The following CTDSPL variants were observed in gnomAD, a reference collection of about 807,000 sequenced individuals.
CTDSPL encodes CTD small phosphatase like.
In CTDSPL, 8 loss-of-function variants were observed where a neutral mutation model predicts 30.5. The observed-to-expected ratio is 0.26, with a 90% confidence interval of 0.15 to 0.47. CTDSPL has a LOEUF of 0.47. CTDSPL is among the 20% of genes least tolerant of loss of function. The probability of loss-of-function intolerance (pLI) is 0.99; values close to 1 mark genes in which losing one functional copy is unlikely to be tolerated. For synonymous variants in CTDSPL, 110 were observed against 137.9 expected (o/e 0.80, Z 1.42); for missense variants, 248 against 366.1 (o/e 0.68, Z 2.63).
chr3:37,941,192 GA>G lies in CTDSPL; in HGVS notation c.80-5864del, dbSNP rs918525308. Among the ~76,000 whole-genome samples, 43 of 150,160 alleles carry G rather than the reference GA, an allele frequency of 2.9e-4. 1 individual carries two copies. Among genetic ancestry groups the G allele is most frequent in the African/African-American group, 1.0e-3 (43 of 41,338 alleles). ...CACATGCTACCCTGTTCCTCCAGTG[GA>G]TACACAGGGACCATGCCCCACATCT... On this transcript the variant is annotated intron_variant, in intron 1 of 7. Coordinates refer to ENST00000273179, the MANE Select transcript of CTDSPL (RefSeq NM_001008392.2).
intron 6 of CTDSPL, 131 bp downstream of exon 6, chr3:37,971,630 A>G: frequency 2.6e-6 from 2 of 760,436 alleles, no homozygotes; most frequent in Non-Finnish European, 4.4e-6. Context: ...TTCCCACCCC[A>G]GATGGGATGG....
intron 1 of CTDSPL, among the ~76,000 whole-genome samples, chr3:37,907,603 G>A (rs559167756): frequency 1.3e-5 from 2 of 152,294 alleles, no homozygotes; most frequent in South Asian, 2.1e-4. Context: ...AATGCCCTGG[G>A]TGGGGGTGTA....
At position 37,914,460 on chromosome 3, in the gene CTDSPL, T is replaced by C. The variant is rs566537591; in HGVS notation, c.80-32597T>C. Among the ~76,000 whole-genome samples, 309 of 152,344 alleles carry C rather than the reference T, an allele frequency of 2.0e-3. 1 individual carries two copies. Among genetic ancestry groups the C allele is most frequent in the Non-Finnish European group, 3.6e-3 (246 of 68,018 alleles). ...GTATTTCACCATCAAGTATTATATG[T>C]GCTGTAATTATTTGTAAATACCATA... is the stretch of plus-strand genomic sequence containing the variant. On this transcript the variant is annotated intron_variant, in intron 1 of 7. Transcript: ENST00000273179.
In CTDSPL at chr3:37,968,950, C is replaced by T. The variant is rs142102320; in HGVS notation, c.426+1068C>T. 1.9e-4 allele frequency among the ~76,000 whole-genome samples: 29 copies of T among 152,356 alleles called. No individual in the cohort carries two copies. In the East Asian group the frequency reaches 3.7e-3, roughly 19 times the overall value. ...TTGCTTTCTTGCTTATTCTCCAGGACATCCTGCCAGGAAACAGTCCCGGGG... is the reference window on the plus strand; with the variant it reads ...TTGCTTTCTTGCTTATTCTCCAGGATATCCTGCCAGGAAACAGTCCCGGGG... On this transcript the variant is annotated intron_variant, in intron 5 of 7. Transcript: ENST00000273179.
chr3:37,898,063 C>T (rs1326988562), intron 1 of CTDSPL, among the ~76,000 whole-genome samples: 1 of 152,164 alleles, frequency 6.6e-6, no homozygotes, highest in African/African-American at 2.4e-5. Flanking sequence ...TCTTCAAGTG[C>T]CTCGTATATT....
At chr3:37,961,737 G>A (rs915634404) in intron 3 of CTDSPL, among the ~76,000 whole-genome samples, 6 of 152,188 alleles carry the variant, frequency 3.9e-5, no homozygotes, top group African/African-American at 1.2e-4. Context: ...CTGGAGCTCT[G>A]AGGGCTTGAG....
intron 1 of CTDSPL, among the ~76,000 whole-genome samples, chr3:37,926,379 C>T (rs960606056): frequency 6.6e-6 from 1 of 152,070 alleles, no homozygotes; most frequent in Non-Finnish European, 1.5e-5. Context: ...TCATTCCTGC[C>T]CCAACCATGG....
At chr3:37,909,142 A>G (rs1327539816) in intron 1 of CTDSPL, among the ~76,000 whole-genome samples, 1 of 152,240 alleles carries the variant, frequency 6.6e-6, no homozygotes, top group Admixed American at 6.5e-5. Context: ...TTCAAGAAAG[A>G]AATTTCACAG....
chr3:37,914,870 G>GTTGTTT, intron 1 of CTDSPL, among the ~76,000 whole-genome samples: 1 of 71,796 alleles, frequency 1.4e-5, no homozygotes, highest in Non-Finnish European at 2.5e-5. Flanking sequence ...AGATATATAT[G>GTTGTTT]TTCTTTTTTT....
At chr3:37,885,368 T>G (rs140543476) in intron 1 of CTDSPL, among the ~76,000 whole-genome samples, 1,608 of 152,250 alleles carry the variant, frequency 0.011, 35 homozygotes, top group South Asian at 0.078. Context: ...TTGCTGGAAG[T>G]TTCAGTGTTC....
chr3:37,984,182 G>C lies in CTDSPL; in HGVS notation c.*3315G>C. ...ACTTGCAGTTAACTGTGCAAAATTG[G>C]CTGGCTGCCTCTGTTCCTACTGTAC... On this transcript the variant is annotated 3_prime_UTR_variant, in exon 8 of 8. Coordinates refer to ENST00000273179, the MANE Select transcript of CTDSPL (RefSeq NM_001008392.2). The C allele has an allele frequency of 2.2e-6, 1 of 456,024 alleles. No homozygotes were observed. Among genetic ancestry groups the C allele is most frequent in the Non-Finnish European group, 4.4e-6 (1 of 226,460 alleles). The allele number at this position is 456,024 out of a possible 1,614,324, so 28.2% of individuals were successfully genotyped here.
At chr3:37,894,391 A>G (rs1053313450) in intron 1 of CTDSPL, among the ~76,000 whole-genome samples, 1 of 152,106 alleles carries the variant, frequency 6.6e-6, no homozygotes, top group Admixed American at 6.6e-5. Context: ...ACAGGCGTGA[A>G]CCACCAGGCC....
chr3:37,956,576 A>G lies in CTDSPL; in HGVS notation c.235-535A>G, dbSNP rs1699175921. Among the ~76,000 whole-genome samples the G allele has an allele frequency of 2.0e-5, 3 of 152,208 alleles. No homozygotes were observed. The South Asian group carries it at 6.2e-4, about 32-fold the overall frequency. ...ATTGTGTTTCCCTTAAAGGAAAGCT[A>G]TCCCCTTGTCTGTTGCCTGGGAGGG... On this transcript the variant is annotated intron_variant, in intron 2 of 7. Coordinates refer to ENST00000273179, the MANE Select transcript of CTDSPL (RefSeq NM_001008392.2).
intron 1 of CTDSPL, among the ~76,000 whole-genome samples, chr3:37,903,977 G>A (rs1698482842): frequency 6.6e-6 from 1 of 152,226 alleles, no homozygotes; most frequent in Admixed American, 6.5e-5. Flanking sequence ...AGTGTAAGCA[G>A]AAAATAACCA....
chr3:37,973,387 TC>T (rs1453062406), intron 6 of CTDSPL, among the ~76,000 whole-genome samples: 1 of 152,232 alleles, frequency 6.6e-6, no homozygotes, highest in Non-Finnish European at 1.5e-5. Flanking sequence ...CTTGGCATTG[TC>T]CCCAGCATTT....
chr3:37,925,460 G>T (rs1478244588), intron 1 of CTDSPL, among the ~76,000 whole-genome samples: 1 of 152,118 alleles, frequency 6.6e-6, no homozygotes, highest in East Asian at 1.9e-4. Context: ...TCCCGCTGGG[G>T]CTTGTTGGAG....
At chr3:37,921,922 T>C (rs563313915) in intron 1 of CTDSPL, among the ~76,000 whole-genome samples, 1 of 152,220 alleles carries the variant, frequency 6.6e-6, no homozygotes, top group South Asian at 2.1e-4. Context: ...GAGGAATAAC[T>C]GGGACAGCCC....
At chr3:37,886,925 T>G (rs1239264238) in intron 1 of CTDSPL, among the ~76,000 whole-genome samples, 1 of 152,232 alleles carries the variant, frequency 6.6e-6, no homozygotes, top group Non-Finnish European at 1.5e-5. Flanking sequence ...CAGGGAGCTT[T>G]CAGATCATCC....
rs1699524463 is a variant in CTDSPL at position 37,983,971 on chromosome 3, A to C, written c.*3104A>C. ...TTTGAACTTTTGGTGTTAAAAAAAA[A>C]AACCTGTAAGTCTGTAACCTGGCAA... is the stretch of plus-strand genomic sequence containing the variant. On this transcript the variant is annotated 3_prime_UTR_variant, in exon 8 of 8. Transcript: ENST00000273179. 1 of 219,468 alleles carries C rather than the reference A, an allele frequency of 4.6e-6. No individual in the cohort carries two copies. Among genetic ancestry groups the C allele is most frequent in the Non-Finnish European group, 9.7e-6 (1 of 103,194 alleles). 13.6% of individuals were successfully genotyped at this position (219,468 alleles called of 1,614,324 possible). A position where few individuals can be genotyped will look rare whatever the true frequency, so the allele number is the denominator to read the frequency against.
Sources: gnomAD v4.1 joint callset for allele counts (sites outside exome capture counted in the v4.1 genomes callset) on GRCh38, gnomAD v4.1.1 for gene constraint, MANE v1.5 for transcripts, NCBI Gene and HGNC (gene_info 2026-07-23, HGNC 2026-07-21) for gene names.